The following TMTC2 variants were observed in gnomAD, a reference collection of about 807,000 sequenced individuals.
TMTC2 encodes the protein protein O-mannosyl-transferase TMTC2.
In TMTC2, 43 loss-of-function variants were observed where a neutral mutation model predicts 82.4. The observed-to-expected ratio is 0.52, with a 90% confidence interval of 0.41 to 0.67. TMTC2 has a LOEUF of 0.67. Among genes scored for constraint, TMTC2 ranks in the 30% least tolerant of loss-of-function variants. TMTC2 has a pLI of 0.00. For synonymous variants in TMTC2, 408 were observed against 381.9 expected, an observed-to-expected ratio of 1.07 and a Z score of -0.80; for missense variants, 919 against 1,012.4, an observed-to-expected ratio of 0.91 and a Z score of 1.25.
At chr12:82,993,373 T>G (rs1482544595) in intron 8 of TMTC2, among the ~76,000 whole-genome samples, 1 of 5,456 alleles carries the variant, frequency 1.8e-4, no homozygotes, top group South Asian at 0.05. Context: ...TATACACAGT[T>G]TTTTTTTTTC....
At chr12:82,726,516 C>T (rs1470764189) in intron 1 of TMTC2, among the ~76,000 whole-genome samples, 1 of 152,156 alleles carries the variant, frequency 6.6e-6, no homozygotes, top group Non-Finnish European at 1.5e-5. Context: ...ATGTTATTTG[C>T]ATGTTTTACA....
At chr12:83,050,601 A>G (rs1412805022) in intron 9 of TMTC2, among the ~76,000 whole-genome samples, 1 of 152,196 alleles carries the variant, frequency 6.6e-6, no homozygotes, top group Non-Finnish European at 1.5e-5. Flanking sequence ...TTAATGTAAT[A>G]ACAATGGAAA....
At chr12:82,889,762 G>A (rs965920224) in intron 2 of TMTC2, among the ~76,000 whole-genome samples, 1 of 151,968 alleles carries the variant, frequency 6.6e-6, no homozygotes, top group East Asian at 1.9e-4. Context: ...ATATTATGTT[G>A]ATATTTATGC....
chr12:82,969,174 T>C (rs1878346428), intron 7 of TMTC2, among the ~76,000 whole-genome samples: 1 of 152,180 alleles, frequency 6.6e-6, no homozygotes, highest in South Asian at 2.1e-4. Context: ...TTCATCAGTT[T>C]CATTAGTCTG....
intron 8 of TMTC2, among the ~76,000 whole-genome samples, chr12:82,997,322 G>C (rs34720097): frequency 0.015 from 635 of 41,930 alleles, 56 homozygotes; most frequent in African/African-American, 0.053. Flanking sequence ...GTGTGTGTGT[G>C]TCTGTGTGTG....
intron 3 of TMTC2, among the ~76,000 whole-genome samples, chr12:82,919,070 A>C (rs2019434): frequency 0.94 from 142,861 of 152,326 alleles, 67,001 homozygotes; most frequent in East Asian, 1. Flanking sequence ...TTTTAACAAA[A>C]CAAAACAACA....
chr12:82,905,737 G>A lies in TMTC2; in HGVS notation c.1483+9091G>A, dbSNP rs564325573. On this transcript the variant is annotated intron_variant, in intron 3 of 11. Coordinates refer to ENST00000321196, the MANE Select transcript of TMTC2 (RefSeq NM_152588.3). ...AGGCGGGCGGATCACCTGAGGTCAGGAGTTCAAGACCATTCTGGTCAACAT... is the reference window on the plus strand; with the variant it reads ...AGGCGGGCGGATCACCTGAGGTCAGAAGTTCAAGACCATTCTGGTCAACAT... 2.3e-4 allele frequency among the ~76,000 whole-genome samples: 35 copies of A among 152,204 alleles called. No individual in the cohort carries two copies. The South Asian group carries it at 5.2e-3, about 23-fold the overall frequency.
chr12:82,717,218 CT>C (rs200275370), intron 1 of TMTC2, among the ~76,000 whole-genome samples: 8,731 of 138,988 alleles, frequency 0.063, 304 homozygotes, highest in East Asian at 0.12. Flanking sequence ...GCAAAAGGCA[CT>C]TTTTTTTTTT....
chr12:82,704,839 A>G (rs952160230), intron 1 of TMTC2, among the ~76,000 whole-genome samples: 3 of 152,202 alleles, frequency 2.0e-5, no homozygotes, highest in African/African-American at 7.2e-5. Context: ...AAATTATAAG[A>G]ATAATTGCCC....
chr12:83,095,984 A>G (rs1884015798), intron 11 of TMTC2, among the ~76,000 whole-genome samples: 1 of 152,252 alleles, frequency 6.6e-6, no homozygotes, highest in South Asian at 2.1e-4. Flanking sequence ...GTGAGCATGT[A>G]TGTGAATAGG....
intron 1 of TMTC2, among the ~76,000 whole-genome samples, chr12:82,737,558 G>A (rs1875188412): frequency 1.3e-5 from 2 of 152,136 alleles, no homozygotes; most frequent in Admixed American, 1.3e-4. Context: ...ACCCCAGGAA[G>A]GGAGCAGGAA....
intron 1 of TMTC2, among the ~76,000 whole-genome samples, chr12:82,788,112 A>G (rs1878275839): frequency 6.6e-6 from 1 of 151,802 alleles, no homozygotes; most frequent in South Asian, 2.1e-4. Flanking sequence ...TTCCTTACAA[A>G]ACGACTGTAA....
At chr12:83,014,691 A>C (rs2137392623) in intron 8 of TMTC2, among the ~76,000 whole-genome samples, 1 of 150,576 alleles carries the variant, frequency 6.6e-6, no homozygotes, top group Non-Finnish European at 1.5e-5. Flanking sequence ...GCCTCTGAGT[A>C]AATAGATTTA....
chr12:83,014,661 A>G (rs1464851274), intron 8 of TMTC2, among the ~76,000 whole-genome samples: 1 of 152,194 alleles, frequency 6.6e-6, no homozygotes, highest in Non-Finnish European at 1.5e-5. Context: ...AACTAAAATA[A>G]CCATGTACAT....
intron 8 of TMTC2, among the ~76,000 whole-genome samples, chr12:83,019,676 C>G (rs1441963594): frequency 6.6e-6 from 1 of 152,190 alleles, no homozygotes; most frequent in East Asian, 1.9e-4. Context: ...CCTTGCTACT[C>G]CATCCACCTC....
At position 82,742,285 on chromosome 12, in the gene TMTC2, A is replaced by G. The variant is rs1281814863; in HGVS notation, c.83+54616A>G. On this transcript the variant is annotated intron_variant, in intron 1 of 11. Coordinates refer to ENST00000321196, the MANE Select transcript of TMTC2 (RefSeq NM_152588.3). The stretch of plus-strand genomic sequence containing the variant: ...CCTGAAACTTTCCCTAGGTCATGCC[A>G]TTCTTTTTTATGTCTTTAGCCTCGG... Among the ~76,000 whole-genome samples, 6 of 151,864 alleles carry G rather than the reference A, an allele frequency of 4.0e-5. No individual in the cohort carries two copies. In the East Asian group the frequency reaches 1.2e-3, roughly 29 times the overall value.
At chr12:82,786,258 A>T (rs1005191523) in intron 1 of TMTC2, among the ~76,000 whole-genome samples, 12 of 152,116 alleles carry the variant, frequency 7.9e-5, no homozygotes, top group Non-Finnish European at 1.5e-4. Flanking sequence ...CAAAGGAATT[A>T]TAGTCTAGTT....
At chr12:82,938,439 A>T (rs2137257997) in intron 4 of TMTC2, among the ~76,000 whole-genome samples, 1 of 152,286 alleles carries the variant, frequency 6.6e-6, no homozygotes, top group African/African-American at 2.4e-5. Context: ...GCTCCATAGT[A>T]GGGATATGTG....
chr12:83,113,546 A>G (rs1447007432), intron 11 of TMTC2, among the ~76,000 whole-genome samples: 1 of 152,208 alleles, frequency 6.6e-6, no homozygotes, highest in Non-Finnish European at 1.5e-5. Context: ...TTGATTTGCC[A>G]TGGGCTTAGA....
Sources: allele counts gnomAD v4.1 joint callset (sites outside exome capture counted in the v4.1 genomes callset), GRCh38; gene constraint gnomAD v4.1.1; transcripts MANE v1.5; gene names NCBI Gene and HGNC (gene_info 2026-07-23, HGNC 2026-07-21).